MYO5B: variants seen among roughly 807,000 people sequenced by gnomAD.
MYO5B encodes the protein unconventional myosin-Vb.
Under a neutral mutation model 229.3 loss-of-function variants are expected in MYO5B, and 143 were observed. That is an observed-to-expected ratio of 0.62 (90% CI 0.54 to 0.72). The LOEUF (loss-of-function observed/expected upper bound fraction) is 0.72. Ranked by LOEUF, MYO5B falls within the 30% of genes least tolerant of loss-of-function variation. MYO5B has a pLI of 0.00. For missense variants in MYO5B, 2,321 were observed against 2,331.0 expected (o/e 1.00, Z 0.09); for synonymous variants, 918 against 885.2 (o/e 1.04, Z -0.66).
chr18:50,189,445 ATG>A (rs1252910323), intron 1 of MYO5B, among the ~76,000 whole-genome samples: 2 of 152,228 alleles, frequency 1.3e-5, no homozygotes. Flanking sequence ...TAGGAAACTA[ATG>A]TCATTACAGT....
intron 17 of MYO5B, 105 bp from the exon 18 acceptor site, chr18:49,912,278 CAA>C: frequency 3.5e-6 from 3 of 856,250 alleles, no homozygotes; most frequent in South Asian, 2.7e-5. Flanking sequence ...CACTGTGGCA[CAA>C]AGTCATTCTC....
intron 31 of MYO5B, among the ~76,000 whole-genome samples, chr18:49,852,441 G>A (rs2024212636): frequency 6.6e-6 from 1 of 152,188 alleles, no homozygotes; most frequent in Non-Finnish European, 1.5e-5. Flanking sequence ...GAGAGAGGGA[G>A]GGAGGGAAGA....
intron 1 of MYO5B, among the ~76,000 whole-genome samples, chr18:50,174,052 A>G (rs2032958316): frequency 6.6e-6 from 1 of 152,124 alleles, no homozygotes; most frequent in Admixed American, 6.5e-5. Context: ...TAAGGGCCCA[A>G]ATAGAACAAA....
intron 26 of MYO5B, 37 bp from the exon 27 acceptor site, chr18:49,872,269 C>G (rs368333401): frequency 5.6e-6 from 9 of 1,603,570 alleles, no homozygotes; most frequent in East Asian, 4.5e-5. Flanking sequence ...GTGCAGACCT[C>G]GAGCAAGATA....
chr18:50,193,046 G>A (rs2033249833), intron 1 of MYO5B, among the ~76,000 whole-genome samples: 1 of 152,210 alleles, frequency 6.6e-6, no homozygotes, highest in Non-Finnish European at 1.5e-5. Flanking sequence ...GTATCTCCAT[G>A]CACTTTAATG....
rs540692616 is a variant in MYO5B at position 50,175,793 on chromosome 18, A to G, written c.27+18974T>C. On this transcript the variant is annotated intron_variant, in intron 1 of 39. Coordinates refer to ENST00000285039, the MANE Select transcript of MYO5B (RefSeq NM_001080467.3). ...AAGCACAGCCAGCTCAGATACCTGC[A>G]GAGATGAAGACCTCACTTCTGCACA... Among the ~76,000 whole-genome samples, 8 of 152,400 alleles carry G rather than the reference A, an allele frequency of 5.2e-5. No homozygotes were observed. The South Asian group carries it at 1.7e-3, about 32-fold the overall frequency.
Position 49,837,710 on chromosome 18 carries a change from C to A in MYO5B, c.4945G>T (p.Asp1649Tyr). ...ATAGCTTCCAGGCAGTATGAGTTAT[C>A]CCCATCTGCCATGCTGGAGGAGCGC... The part of the protein sequence containing the change: ...RKRSSSMADG[D>Y]NSYCLEAIIR... The change falls in exon 37 of 40, where the codon GAT becomes TAT. Residue 1649 changes from aspartate (D) to tyrosine (Y), a missense_variant. Coordinates refer to ENST00000285039, the MANE Select transcript of MYO5B (RefSeq NM_001080467.3). The A allele has an allele frequency of 1.2e-6, 2 of 1,614,190 alleles. No homozygotes were observed. Among genetic ancestry groups the A allele is most frequent in the South Asian group, 1.1e-5 (1 of 91,086 alleles).
chr18:50,113,093 A>C (rs996449346), intron 1 of MYO5B, among the ~76,000 whole-genome samples: 2 of 152,154 alleles, frequency 1.3e-5, no homozygotes, highest in African/African-American at 4.8e-5. Flanking sequence ...AGTGTGCCTC[A>C]ATTCCCTGCC....
At chr18:49,933,856 T>C (rs1000429208) in intron 16 of MYO5B, among the ~76,000 whole-genome samples, 1 of 152,206 alleles carries the variant, frequency 6.6e-6, no homozygotes, top group Admixed American at 6.5e-5. Flanking sequence ...TAATTCCTAT[T>C]CAGATTCTTT....
At chr18:49,894,773 C>T (rs2024758027) in intron 22 of MYO5B, among the ~76,000 whole-genome samples, 168 bp downstream of exon 22, 1 of 152,222 alleles carries the variant, frequency 6.6e-6, no homozygotes, top group Admixed American at 6.5e-5. Flanking sequence ...TGTGGGTTTC[C>T]CCAAAGCATG....
intron 22 of MYO5B, 68 bp downstream of exon 22, chr18:49,894,873 T>G: frequency 7.3e-7 from 1 of 1,373,130 alleles, no homozygotes; most frequent in Non-Finnish European, 1.0e-6. Context: ...AGCAGTGCTC[T>G]CTGAGAGGTG....
At position 49,957,142 on chromosome 18, in the gene MYO5B, CAAAAAAAAA is replaced by C. The variant is rs71169467; in HGVS notation, c.1546-2716_1546-2708del. Among the ~76,000 whole-genome samples, 17 of 58,722 alleles carry C rather than the reference CAAAAAAAAA, an allele frequency of 2.9e-4. No homozygotes were observed. In the East Asian group the frequency reaches 8.7e-3, roughly 30 times the overall value. 38.5% of individuals were successfully genotyped at this position (58,722 alleles called of 152,430 possible). A position where few individuals can be genotyped will look rare whatever the true frequency, so the allele number is the denominator to read the frequency against. The stretch of plus-strand genomic sequence containing the variant: ...ACTCCTTGCTAGTAAAATAAAGTAG[CAAAAAAAAA>C]AAAAAAAAAAAAAAGCAGGCATGGC... On this transcript the variant is annotated intron_variant, in intron 12 of 39. Transcript: ENST00000285039.
intron 30 of MYO5B, among the ~76,000 whole-genome samples, chr18:49,855,803 C>T (rs1274842160): frequency 6.6e-6 from 1 of 152,194 alleles, no homozygotes; most frequent in Non-Finnish European, 1.5e-5. Flanking sequence ...AGAAGAGATG[C>T]TCTTGGTGCA....
chr18:49,942,855 A>C (rs964741359), intron 14 of MYO5B, among the ~76,000 whole-genome samples: 18 of 152,262 alleles, frequency 1.2e-4, no homozygotes, highest in South Asian at 2.1e-4. Context: ...CACGGCCATC[A>C]CATTACTGGG....
chr18:50,176,818 A>T (rs2033003455), intron 1 of MYO5B, among the ~76,000 whole-genome samples: 1 of 152,238 alleles, frequency 6.6e-6, no homozygotes, highest in South Asian at 2.1e-4. Context: ...CTATTTAAGC[A>T]ACTGCTTTTT....
intron 1 of MYO5B, among the ~76,000 whole-genome samples, chr18:50,187,713 C>T (rs368801877): frequency 2.2e-4 from 33 of 152,108 alleles, no homozygotes; most frequent in African/African-American, 7.5e-4. Flanking sequence ...GATGAGGTCT[C>T]GCTATGTTGT....
chr18:49,924,116 G>T (rs1375886106), intron 17 of MYO5B, among the ~76,000 whole-genome samples: 2 of 152,196 alleles, frequency 1.3e-5, no homozygotes, highest in African/African-American at 4.8e-5. Context: ...CTAATTGCTT[G>T]AAGAGGTCTG....
At chr18:50,171,159 G>C (rs1220544016) in intron 1 of MYO5B, among the ~76,000 whole-genome samples, 1 of 128,238 alleles carries the variant, frequency 7.8e-6, no homozygotes. Context: ...CCATAAGACA[G>C]TGCTGGGCAC....
At chr18:49,994,364 A>G (rs960886107) in intron 5 of MYO5B, among the ~76,000 whole-genome samples, 2 of 152,262 alleles carry the variant, frequency 1.3e-5, no homozygotes, top group Non-Finnish European at 1.5e-5. Flanking sequence ...TGTGAAATGT[A>G]AGTATTGGAC....
Sources: gnomAD v4.1 joint callset for allele counts (sites outside exome capture counted in the v4.1 genomes callset) on GRCh38, gnomAD v4.1.1 for gene constraint, MANE v1.5 for transcripts, NCBI Gene and HGNC (gene_info 2026-07-23, HGNC 2026-07-21) for gene names.